The following MMP26 variants were observed in gnomAD, a reference collection of about 807,000 sequenced individuals.
The protein encoded by MMP26 is matrix metallopeptidase 26.
In MMP26, 33 loss-of-function variants were observed where a neutral mutation model predicts 31.0. The ratio of observed to expected loss-of-function variants is 1.06; its 90% CI spans 0.81 to 1.42. The LOEUF is 1.42. MMP26 is among the 40% of genes most tolerant of loss of function. The probability of loss-of-function intolerance (pLI) is 0.00; values close to 1 mark genes in which losing one functional copy is unlikely to be tolerated. For missense variants in MMP26, 347 were observed against 316.1 expected (o/e 1.10, Z -0.74); for synonymous variants, 122 against 114.9 (o/e 1.06, Z -0.40).
chr11:4,848,900 T>G, intron 2 of MMP26: 1 of 1,614,136 alleles, frequency 6.2e-7, no homozygotes, highest in South Asian at 1.1e-5. Context: ...GAAGGCAGGC[T>G]GAGGCAGGGA....
chr11:4,915,773 A>C, intron 2 of MMP26: 2 of 667,416 alleles, frequency 3.0e-6, no homozygotes, highest in Non-Finnish European at 5.1e-6. Context: ...ATAGAATCAA[A>C]TATACCTAGA....
At chr11:4,788,354 G>C (rs12794880) in intron 2 of MMP26, among the ~76,000 whole-genome samples, 14,368 of 151,802 alleles carry the variant, frequency 0.095, 853 homozygotes, top group Middle Eastern at 0.15. Context: ...CATGAGAACC[G>C]TAGATTTGAG....
chr11:4,718,193 G>A (rs1476907054), intron 1 of MMP26, among the ~76,000 whole-genome samples: 1 of 152,046 alleles, frequency 6.6e-6, no homozygotes, highest in Non-Finnish European at 1.5e-5. Context: ...TTTTTGGATG[G>A]GCCTCTAAAA....
intron 1 of MMP26, among the ~76,000 whole-genome samples, chr11:4,727,045 C>T (rs61883466): frequency 0.27 from 41,419 of 151,780 alleles, 5,879 homozygotes; most frequent in Admixed American, 0.29. Context: ...AACAAAAATC[C>T]GTAAAAAACA....
chr11:4,714,015 A>G (rs778919420), intron 1 of MMP26, among the ~76,000 whole-genome samples: 3 of 152,172 alleles, frequency 2.0e-5, no homozygotes, highest in Non-Finnish European at 4.4e-5. Context: ...AAGAGCTTTC[A>G]GGCATCCTGA....
chr11:4,782,896 G>A (rs548465586), intron 2 of MMP26, among the ~76,000 whole-genome samples: 1 of 152,328 alleles, frequency 6.6e-6, no homozygotes, highest in Admixed American at 6.5e-5. Flanking sequence ...GCTTGCAAGT[G>A]CACAGAAGTT....
At position 4,992,281 on chromosome 11, in the gene MMP26, G is replaced by A; in HGVS notation, c.*39G>A. On this transcript the variant is annotated 3_prime_UTR_variant, in exon 8 of 8. Transcript: ENST00000380390. ...GACTTATTCAACCTGTCCTTTCAGG[G>A]AGTTTATTGGAGGATCAAAGAACTG... 1 of 1,583,864 alleles carries A rather than the reference G, an allele frequency of 6.3e-7. No homozygotes were observed. The highest frequency in any genetic ancestry group is 1.1e-5 in the South Asian group (1 of 88,078).
chr11:4,867,080 A>C (rs932185913), intron 2 of MMP26, among the ~76,000 whole-genome samples: 1 of 152,152 alleles, frequency 6.6e-6, no homozygotes, highest in Non-Finnish European at 1.5e-5. Flanking sequence ...AAAACTGACC[A>C]ATGGGAAATA....
chr11:4,787,238 T>G (rs1000175529), intron 2 of MMP26: 1 of 152,318 alleles, frequency 6.6e-6, no homozygotes, highest in Non-Finnish European at 1.5e-5. Context: ...TGTCCATCCC[T>G]CTTTCTCATT....
At chr11:4,914,956 C>T (rs773679036) in intron 2 of MMP26, 2 of 1,614,034 alleles carry the variant, frequency 1.2e-6, no homozygotes, top group East Asian at 4.5e-5. Flanking sequence ...ATCTCTCAGC[C>T]CTGGAGGCGA....
chr11:4,849,226 T>A (rs141787213), intron 2 of MMP26: 355 of 1,579,124 alleles, frequency 2.2e-4, no homozygotes, highest in Middle Eastern at 1.5e-3. Flanking sequence ...GATTCCACGT[T>A]GAACTCTGGA....
intron 1 of MMP26, among the ~76,000 whole-genome samples, chr11:4,761,325 C>T (rs934623061): frequency 6.6e-6 from 1 of 152,194 alleles, no homozygotes; most frequent in Non-Finnish European, 1.5e-5. Context: ...CGGAGAGCAG[C>T]CACTTGATTT....
chr11:4,985,669 C>T (rs779207858), intron 2 of MMP26, among the ~76,000 whole-genome samples: 9 of 151,838 alleles, frequency 5.9e-5, no homozygotes, highest in Admixed American at 1.3e-4. Context: ...AAATGGGTGC[C>T]GCTTTTGGTA....
Position 4,764,372 on chromosome 11 carries a change from G to A in MMP26, c.-216-2898G>A, listed in dbSNP as rs981020990. Among the ~76,000 whole-genome samples the A allele has an allele frequency of 2.6e-5, 4 of 152,126 alleles. No individual in the cohort carries two copies. The East Asian group carries it at 5.8e-4, about 22-fold the overall frequency. The stretch of plus-strand genomic sequence containing the variant: ...AGAGGTATATGAGTGGTATTGGCTA[G>A]TTCTTTGGCAAAAAATATTTCCCTT... On this transcript the variant is annotated intron_variant, in intron 1 of 7. Coordinates refer to ENST00000380390, the MANE Select transcript of MMP26 (RefSeq NM_021801.5).
At chr11:4,823,395 C>T (rs1849537803) in intron 2 of MMP26, among the ~76,000 whole-genome samples, 1 of 152,148 alleles carries the variant, frequency 6.6e-6, no homozygotes, top group Non-Finnish European at 1.5e-5. Flanking sequence ...ACTTCTCCCC[C>T]AAACAACATT....
At chr11:4,769,527 G>T (rs1171194966) in intron 2 of MMP26, 1 of 1,613,632 alleles carries the variant, frequency 6.2e-7, no homozygotes, top group Non-Finnish European at 8.5e-7. Flanking sequence ...TACCTCAGAG[G>T]GTCACAGATG....
At chr11:4,852,245 C>A in intron 2 of MMP26, among the ~76,000 whole-genome samples, 1 of 151,332 alleles carries the variant, frequency 6.6e-6, no homozygotes, top group East Asian at 1.9e-4. Flanking sequence ...AGCAATTTAC[C>A]AATAATAGTT....
rs974597186 is a variant in MMP26 at position 4,948,670 on chromosome 11, C to T, written c.-144-39398C>T. Among the ~76,000 whole-genome samples, 6 of 123,272 alleles carry T rather than the reference C, an allele frequency of 4.9e-5. 1 individual carries two copies. Among genetic ancestry groups the T allele is most frequent in the African/African-American group, 1.6e-4 (6 of 36,464 alleles). The allele number at this position is 123,272 out of a possible 152,430, so 80.9% of individuals were successfully genotyped here. A position where few individuals can be genotyped will look rare whatever the true frequency, so the allele number is the denominator to read the frequency against. On this transcript the variant is annotated intron_variant, in intron 2 of 7. Transcript: ENST00000380390. Reference sequence around the variant, plus strand: ...GTATAGAGATCCTAAGGAAAAGGCTCTTGAGGAGAAAAAAACTATATACTC... The same window carrying T: ...GTATAGAGATCCTAAGGAAAAGGCTTTTGAGGAGAAAAAAACTATATACTC...
At chr11:4,873,557 C>T (rs563166184) in intron 2 of MMP26, among the ~76,000 whole-genome samples, 1 of 152,034 alleles carries the variant, frequency 6.6e-6, no homozygotes, top group South Asian at 2.1e-4. Flanking sequence ...AGAATTTGAT[C>T]AAAATATATA....
Sources: allele counts gnomAD v4.1 joint callset (sites outside exome capture counted in the v4.1 genomes callset), GRCh38; gene constraint gnomAD v4.1.1; transcripts MANE v1.5; gene names NCBI Gene and HGNC (gene_info 2026-07-23, HGNC 2026-07-21).